Variants in SETX observed in about 807,000 individuals in gnomAD.
SETX encodes the protein helicase senataxin.
In SETX, 90 loss-of-function variants were observed where a neutral mutation model predicts 227.2. The ratio of observed to expected loss-of-function variants is 0.40; its 90% confidence interval spans 0.33 to 0.47. The LOEUF (loss-of-function observed/expected upper bound fraction) is 0.47. Ranked by LOEUF, SETX falls within the 20% of genes least tolerant of loss-of-function variation. The probability of loss-of-function intolerance (pLI) is 0.91; values close to 1 mark genes in which losing one functional copy is unlikely to be tolerated. For missense variants in SETX, 3,052 were observed against 3,181.5 expected, an observed-to-expected ratio of 0.96 and a Z score of 0.98; for synonymous variants, 1,210 against 1,113.2, an observed-to-expected ratio of 1.09 and a Z score of -1.73.
At chr9:132,287,366 T>C (rs1843968904) in intron 17 of SETX, among the ~76,000 whole-genome samples, 1 of 152,144 alleles carries the variant, frequency 6.6e-6, no homozygotes, top group Non-Finnish European at 1.5e-5. Flanking sequence ...CACACGGCTG[T>C]AGTCCCAGCT....
At chr9:132,284,939 C>T (rs917590089) in intron 18 of SETX, among the ~76,000 whole-genome samples, 8 of 151,142 alleles carry the variant, frequency 5.3e-5, no homozygotes, top group South Asian at 2.1e-4. Flanking sequence ...AGTGCAGTGG[C>T]GCGATCTCCA....
At chr9:132,302,033 C>T (rs1333911969) in intron 11 of SETX, among the ~76,000 whole-genome samples, 1 of 152,130 alleles carries the variant, frequency 6.6e-6, no homozygotes, top group Non-Finnish European at 1.5e-5. Flanking sequence ...CCAAATTAAT[C>T]TTTAGAGTCA....
chr9:132,338,582 A>G (rs559660883), intron 5 of SETX, among the ~76,000 whole-genome samples: 99 of 152,342 alleles, frequency 6.5e-4, no homozygotes, highest in African/African-American at 2.4e-3. Flanking sequence ...TTCTCAGGCT[A>G]TCACACAAAA....
chr9:132,315,603 T>C (rs1370336426), intron 10 of SETX, among the ~76,000 whole-genome samples: 1 of 152,190 alleles, frequency 6.6e-6, no homozygotes, highest in African/African-American at 2.4e-5. Flanking sequence ...TGCCCCCTTT[T>C]TCCTGCTCCC....
chr9:132,348,781 A>G (rs1848451309), intron 3 of SETX, among the ~76,000 whole-genome samples: 1 of 152,088 alleles, frequency 6.6e-6, no homozygotes, highest in Non-Finnish European at 1.5e-5. Flanking sequence ...TTTAAAAATT[A>G]GCAGAGCATG....
rs751833631 is a variant in SETX at position 132,262,819 on chromosome 9, T to A, written c.*1420A>T. On this transcript the variant is annotated 3_prime_UTR_variant, in exon 26 of 26. Coordinates refer to ENST00000224140, the MANE Select transcript of SETX (RefSeq NM_015046.7). ...GGAAATGTCAAATAATGCACATGAA[T>A]CTTCAGCTATTTTCCTACCCCCAAA... 2 of 152,348 alleles carry A rather than the reference T, an allele frequency of 1.3e-5. No homozygotes were observed. Among genetic ancestry groups the A allele is most frequent in the Non-Finnish European group, 2.9e-5 (2 of 68,032 alleles). 9.4% of individuals were successfully genotyped at this position (152,348 alleles called of 1,614,324 possible). A position where few individuals can be genotyped will look rare whatever the true frequency, so the allele number is the denominator to read the frequency against.
intron 11 of SETX, among the ~76,000 whole-genome samples, chr9:132,302,356 CAAAAAAAAAAA>C (rs35649212): frequency 7.2e-5 from 2 of 27,802 alleles, no homozygotes; most frequent in African/African-American, 1.5e-4. Context: ...GAATCCATCT[CAAAAAAAAAAA>C]AAAAAAAAAA....
At chr9:132,334,838 G>T in intron 6 of SETX, 111 bp from the exon 7 acceptor site, 1 of 1,191,956 alleles carries the variant, frequency 8.4e-7, no homozygotes. Context: ...ATAGTATTTA[G>T]TTTCTCAAAC....
intron 15 of SETX, among the ~76,000 whole-genome samples, chr9:132,295,467 T>C (rs1844614412): frequency 6.6e-6 from 1 of 152,228 alleles, no homozygotes; most frequent in Non-Finnish European, 1.5e-5. Flanking sequence ...TTTTTTTTTA[T>C]GGCAATCTCT....
Position 132,264,400 on chromosome 9 carries a change from G to C in SETX, c.7873C>G (p.Pro2625Ala). ...CTCCTGTGACAGAGCTCCTCTTCCG[G>C]GTCATCACATTTGCTCTGACACGTG... The part of the protein sequence containing the change: ...ASTCQSKCDD[P>A]EEELCHRREA... The change falls in exon 26 of 26, where the codon CCG becomes GCG. Residue 2625 changes from proline (P) to alanine (A), a missense_variant. Transcript: ENST00000224140. 6.2e-7 allele frequency: 1 copy of C among 1,614,050 alleles called. No homozygotes were observed. The highest frequency in any genetic ancestry group is 8.5e-7 in the Non-Finnish European group (1 of 1,180,022).
At chr9:132,271,316 C>T (rs1328553733) in intron 24 of SETX, among the ~76,000 whole-genome samples, 1 of 152,218 alleles carries the variant, frequency 6.6e-6, no homozygotes, top group Non-Finnish European at 1.5e-5. Flanking sequence ...GTAATCCCAG[C>T]ATTTTGGGAG....
In SETX at chr9:132,346,537, C is replaced by T. The variant is rs147919430; in HGVS notation, c.178-66G>A. 9.8e-4 allele frequency: 1,129 copies of T among 1,157,426 alleles called. 8 individuals carry two copies. The African/African-American group carries it at 0.014, about 15-fold the overall frequency. 71.7% of individuals were successfully genotyped at this position (1,157,426 alleles called of 1,614,324 possible). A position where few individuals can be genotyped will look rare whatever the true frequency, so the allele number is the denominator to read the frequency against. On this transcript the variant is annotated intron_variant, in intron 3 of 25. Coordinates refer to ENST00000224140, the MANE Select transcript of SETX (RefSeq NM_015046.7). ...CATCAACAAAATACACTGAATGTGA[C>T]GACCTAGAAAGCCTTTTCCTAAGTA...
chr9:132,327,622 T>C lies in SETX; in HGVS notation c.3976A>G (p.Thr1326Ala). 1 of 1,614,046 alleles carries C rather than the reference T, an allele frequency of 6.2e-7. No homozygotes were observed. Among genetic ancestry groups the C allele is most frequent in the Non-Finnish European group, 8.5e-7 (1 of 1,179,992 alleles). ...AGGTTCTGAGGAGAAATTAATTTAG[T>C]CTTTTTTCGGGTATCAACTACTCCA... ...TVGVVDTRKK[T>A]KLISPQNLSV... The change falls in exon 10 of 26, where the codon ACT becomes GCT. Residue 1326 changes from threonine (T) to alanine (A), a missense_variant. Thr to Ala is a moderately conservative substitution (Grantham distance 58). This residue lies in a region of SETX where 1,483 missense variants were observed against 1,312.0 expected (regional missense o/e 1.13). Transcript: ENST00000224140.
At chr9:132,315,914 G>A (rs1290889651) in intron 10 of SETX, among the ~76,000 whole-genome samples, 2 of 152,140 alleles carry the variant, frequency 1.3e-5, no homozygotes, top group Non-Finnish European at 2.9e-5. Context: ...GAAAAATCCA[G>A]AAGGGGGGTG....
intron 18 of SETX, among the ~76,000 whole-genome samples, chr9:132,286,073 C>T (rs1456176527): frequency 6.6e-6 from 1 of 151,054 alleles, no homozygotes; most frequent in Non-Finnish European, 1.5e-5. Context: ...ATCCTAGCTA[C>T]TCGGGAGGCT....
chr9:132,320,155 A>G (rs1476198337), intron 10 of SETX, among the ~76,000 whole-genome samples: 2 of 152,208 alleles, frequency 1.3e-5, no homozygotes, highest in African/African-American at 2.4e-5. Context: ...ATCTGTTCTC[A>G]TTTGTCTTTC....
At position 132,326,748 on chromosome 9, in the gene SETX, G is replaced by A. The variant is rs572037695; in HGVS notation, c.4850C>T (p.Ser1617Phe). 5.6e-6 allele frequency: 9 copies of A among 1,614,210 alleles called. No homozygotes were observed. Among genetic ancestry groups the A allele is most frequent in the African/African-American group, 1.3e-5 (1 of 75,050 alleles). ...TTTTAGAGACGGTGAAAGTGCTGAA[G>A]AAGTTTCCAAAGATTTAGAAAGACC... The part of the protein sequence containing the change: ...IAGLSKSLET[S>F]SALSPSLKNK... Residue 1617 changes from serine to phenylalanine, a missense_variant, in exon 10 of 26, where the codon TCT (serine) becomes TTT (phenylalanine). By Grantham distance (155) the Ser-to-Phe change is radical (BLOSUM62 -2). Transcript: ENST00000224140.
intron 20 of SETX, among the ~76,000 whole-genome samples, chr9:132,280,661 G>T (rs1005204247): frequency 6.6e-6 from 1 of 152,186 alleles, no homozygotes; most frequent in Non-Finnish European, 1.5e-5. Flanking sequence ...CTTTGAAAAT[G>T]ATCTGTTCTC....
intron 23 of SETX, among the ~76,000 whole-genome samples, chr9:132,273,280 A>C (rs926832574): frequency 6.6e-6 from 1 of 152,002 alleles, no homozygotes; most frequent in Non-Finnish European, 1.5e-5. Context: ...CTCCTGCCTC[A>C]CCCTCCAGAG....
Sources: gnomAD v4.1 joint callset for allele counts (sites outside exome capture counted in the v4.1 genomes callset) on GRCh38, gnomAD v4.1.1 for gene constraint, gnomAD v4.1.1 regional missense constraint, MANE v1.5 for transcripts, NCBI Gene and HGNC (gene_info 2026-07-23, HGNC 2026-07-21) for gene names.